The following PCNX1 variants were observed in gnomAD, a reference collection of about 807,000 sequenced individuals.
The protein encoded by PCNX1 is pecanex 1, also known as pecanex-like protein 1.
In PCNX1, 78 loss-of-function variants were observed where a neutral mutation model predicts 242.2. That is an observed-to-expected ratio of 0.32 (90% CI 0.27 to 0.39). PCNX1 has a LOEUF of 0.39. Ranked by LOEUF, PCNX1 falls within the 10% of genes least tolerant of loss-of-function variation. The pLI, the probability that PCNX1 is intolerant of heterozygous loss-of-function variation, is 1.00. For missense variants in PCNX1, 2,581 were observed against 2,856.5 expected, an observed-to-expected ratio of 0.90 and a Z score of 2.20; for synonymous variants, 1,024 against 1,032.9, an observed-to-expected ratio of 0.99 and a Z score of 0.17.
At chr14:70,928,127 GTGCT>G (rs2056659197) in intron 1 of PCNX1, among the ~76,000 whole-genome samples, 1 of 151,588 alleles carries the variant, frequency 6.6e-6, no homozygotes, top group Non-Finnish European at 1.5e-5. Context: ...TTATTATTTT[GTGCT>G]TGCTTATTAT....
chr14:71,088,029 A>G (rs1350514307), intron 28 of PCNX1, among the ~76,000 whole-genome samples: 1 of 151,994 alleles, frequency 6.6e-6, no homozygotes, highest in Admixed American at 6.6e-5. Flanking sequence ...GGGTAATATC[A>G]GTAATCTCAG....
chr14:70,956,660 A>G (rs1021220777), intron 2 of PCNX1, among the ~76,000 whole-genome samples: 1 of 152,044 alleles, frequency 6.6e-6, no homozygotes, highest in African/African-American at 2.4e-5. Flanking sequence ...CATGCTGGTT[A>G]TGAGTACGTG....
Position 71,013,047 on chromosome 14 carries a change from A to G in PCNX1, c.2841A>G (p.Gln947=), listed in dbSNP as rs755760897. ...CCATTGATACAGATTTGTTGGAGCA[A>G]CAGGACATTGATCTAAGCCCTGACT... The part of the protein sequence containing the change: ...LLTIDTDLLE[Q]QDIDLSPDLA... The change falls in exon 11 of 36, where the codon CAA becomes CAG. Residue 947 remains glutamine (Q), a synonymous_variant. Coordinates refer to ENST00000304743, the MANE Select transcript of PCNX1 (RefSeq NM_014982.3). 1.2e-6 allele frequency: 2 copies of G among 1,614,116 alleles called. No individual in the cohort carries two copies. Among genetic ancestry groups the G allele is most frequent in the Non-Finnish European group, 1.7e-6 (2 of 1,179,970 alleles).
intron 28 of PCNX1, among the ~76,000 whole-genome samples, chr14:71,082,232 T>C (rs1197841796): frequency 6.6e-6 from 1 of 152,100 alleles, no homozygotes; most frequent in Non-Finnish European, 1.5e-5. Context: ...ACCGTTTGTT[T>C]TGATATCTGT....
At chr14:71,085,243 T>A (rs1024871294) in intron 28 of PCNX1, among the ~76,000 whole-genome samples, 2 of 152,216 alleles carry the variant, frequency 1.3e-5, no homozygotes, top group African/African-American at 2.4e-5. Context: ...ACCTGCTTTC[T>A]GCCTTGATGT....
At chr14:70,968,335 AAAAAAATC>A (rs2058442625) in intron 4 of PCNX1, 92 bp downstream of exon 4, 22 of 717,200 alleles carry the variant, frequency 3.1e-5, no homozygotes, top group Non-Finnish European at 4.9e-5. Context: ...AAATGTAATG[AAAAAAATC>A]ATTCTTGAAA....
intron 19 of PCNX1, among the ~76,000 whole-genome samples, chr14:71,037,764 A>G (rs1027784479): frequency 6.6e-6 from 1 of 151,606 alleles, no homozygotes; most frequent in Non-Finnish European, 1.5e-5. Flanking sequence ...CCGCATCGCC[A>G]AGTGAATCCT....
rs150512907 is a variant in PCNX1 at position 71,101,571 on chromosome 14, C to T, written c.5590-419C>T. ...TATATTAGAACCCATTTTAGAGATACGACTTTATGTGAAAAGTATCTAGTT... is the reference window on the plus strand; with the variant it reads ...TATATTAGAACCCATTTTAGAGATATGACTTTATGTGAAAAGTATCTAGTT... On this transcript the variant is annotated intron_variant, in intron 30 of 35. Coordinates refer to ENST00000304743, the MANE Select transcript of PCNX1 (RefSeq NM_014982.3). Among the ~76,000 whole-genome samples, 590 of 151,670 alleles carry T rather than the reference C, an allele frequency of 3.9e-3. 3 individuals are homozygous for T. The highest frequency in any genetic ancestry group is 0.014 in the Middle Eastern group (4 of 292).
intron 1 of PCNX1, among the ~76,000 whole-genome samples, chr14:70,919,200 G>T (rs2056271900): frequency 6.6e-6 from 1 of 152,088 alleles, no homozygotes; most frequent in South Asian, 2.1e-4. Flanking sequence ...ACTATTTAAT[G>T]AAACATCCAG....
chr14:70,972,856 G>C (rs1294178340), intron 5 of PCNX1, among the ~76,000 whole-genome samples: 2 of 152,158 alleles, frequency 1.3e-5, no homozygotes, highest in Non-Finnish European at 2.9e-5. Flanking sequence ...ATGAGGGCTG[G>C]GTAGAAGGTA....
At chr14:70,933,021 G>A (rs1175779853) in intron 1 of PCNX1, among the ~76,000 whole-genome samples, 1 of 152,000 alleles carries the variant, frequency 6.6e-6, no homozygotes, top group East Asian at 1.9e-4. Context: ...CTCACTGAGG[G>A]GGAAGACACC....
chr14:71,007,191 GC>G (rs1165902059), intron 8 of PCNX1, among the ~76,000 whole-genome samples: 1 of 151,188 alleles, frequency 6.6e-6, no homozygotes, highest in African/African-American at 2.4e-5. Context: ...GTTTAGAAAA[GC>G]TTTTTTTTTT....
intron 1 of PCNX1, chr14:70,942,806 G>C (rs1487588341): frequency 6.6e-6 from 1 of 152,186 alleles, no homozygotes; most frequent in Non-Finnish European, 1.5e-5. Flanking sequence ...TGATTAATAT[G>C]GTTTGATTTT....
chr14:70,973,578 CTCTT>C (rs1187050916), intron 5 of PCNX1, among the ~76,000 whole-genome samples: 1 of 151,860 alleles, frequency 6.6e-6, no homozygotes, highest in African/African-American at 2.4e-5. Flanking sequence ...ATACAGACAA[CTCTT>C]TCAGTGAATT....
At chr14:70,980,179 A>G (rs938458196) in intron 6 of PCNX1, among the ~76,000 whole-genome samples, 3 of 152,130 alleles carry the variant, frequency 2.0e-5, no homozygotes, top group Admixed American at 6.5e-5. Context: ...AATGTGTACA[A>G]AAATATGTAG....
intron 1 of PCNX1, among the ~76,000 whole-genome samples, chr14:70,928,517 GATAA>G (rs1156300212): frequency 2.0e-5 from 3 of 152,124 alleles, no homozygotes; most frequent in Non-Finnish European, 4.4e-5. Flanking sequence ...TACTTAGACT[GATAA>G]ATAAAAGAGT....
chr14:70,984,538 C>T (rs2058940117), intron 6 of PCNX1, among the ~76,000 whole-genome samples: 1 of 151,106 alleles, frequency 6.6e-6, no homozygotes, highest in Admixed American at 6.6e-5. Flanking sequence ...AGGCGTCCAC[C>T]ACCACGCCCG....
intron 2 of PCNX1, among the ~76,000 whole-genome samples, chr14:70,960,065 T>G (rs1484794682): frequency 1.0e-5 from 1 of 99,782 alleles, no homozygotes; most frequent in African/African-American, 3.7e-5. Context: ...TCGCCCACTT[T>G]TTGATGGGGT....
intron 2 of PCNX1, among the ~76,000 whole-genome samples, chr14:70,957,815 T>C (rs925750110): frequency 6.7e-6 from 1 of 148,460 alleles, no homozygotes; most frequent in Non-Finnish European, 1.5e-5. Context: ...TGTATATGTG[T>C]GTGTGTATGT....
Sources: gnomAD v4.1 joint callset for allele counts (sites outside exome capture counted in the v4.1 genomes callset) on GRCh38, gnomAD v4.1.1 for gene constraint, MANE v1.5 for transcripts, NCBI Gene and HGNC (gene_info 2026-07-23, HGNC 2026-07-21) for gene names.